Variants in TMEM108 observed in about 807,000 individuals in gnomAD.
TMEM108 encodes cancer/testis antigen 124.
In TMEM108, 12 loss-of-function variants were observed where a neutral mutation model predicts 35.1. That is an observed-to-expected ratio of 0.34 (90% CI 0.22 to 0.55). TMEM108 has a LOEUF of 0.55. Ranked by LOEUF, TMEM108 falls within the 20% of genes least tolerant of loss-of-function variation. TMEM108 has a pLI of 0.89. For synonymous variants in TMEM108, 287 were observed against 308.6 expected, an observed-to-expected ratio of 0.93 and a Z score of 0.73; for missense variants, 680 against 753.3, an observed-to-expected ratio of 0.90 and a Z score of 1.14.
At chr3:133,313,421 G>A (rs528781508) in intron 3 of TMEM108, among the ~76,000 whole-genome samples, 3 of 152,076 alleles carry the variant, frequency 2.0e-5, no homozygotes, top group South Asian at 2.1e-4. Flanking sequence ...TCCTGACCTC[G>A]TGATCCACCT....
intron 3 of TMEM108, among the ~76,000 whole-genome samples, chr3:133,311,219 C>G (rs1184513304): frequency 6.6e-6 from 1 of 152,100 alleles, no homozygotes; most frequent in Non-Finnish European, 1.5e-5. Flanking sequence ...CGAAGAGTAT[C>G]TTTGTGGTGT....
chr3:133,212,004 C>G (rs2107840135), intron 2 of TMEM108, among the ~76,000 whole-genome samples: 1 of 152,064 alleles, frequency 6.6e-6, no homozygotes, highest in East Asian at 1.9e-4. Context: ...ATTTTTTTCC[C>G]CCTTGAAAAT....
At chr3:133,354,302 G>C (rs917786197) in intron 3 of TMEM108, among the ~76,000 whole-genome samples, 2 of 152,128 alleles carry the variant, frequency 1.3e-5, no homozygotes, top group Non-Finnish European at 2.9e-5. Flanking sequence ...CTCTCAGCTG[G>C]GGATGTTGCC....
chr3:133,099,290 T>A (rs1311091776), intron 2 of TMEM108, among the ~76,000 whole-genome samples: 1 of 152,136 alleles, frequency 6.6e-6, no homozygotes, highest in African/African-American at 2.4e-5. Context: ...ACCAAGTTCC[T>A]AGGCTGCACG....
At chr3:133,166,701 G>A (rs944437493) in intron 2 of TMEM108, among the ~76,000 whole-genome samples, 9 of 152,212 alleles carry the variant, frequency 5.9e-5, no homozygotes, top group African/African-American at 1.9e-4. Context: ...GAGTGAAGCT[G>A]CAGACCTGCG....
At chr3:133,196,474 A>G (rs1455409747) in intron 2 of TMEM108, among the ~76,000 whole-genome samples, 1 of 152,194 alleles carries the variant, frequency 6.6e-6, no homozygotes, top group African/African-American at 2.4e-5. Flanking sequence ...ATGTAGCTTG[A>G]TGTAGTCCTT....
At chr3:133,388,262 T>C in intron 4 of TMEM108, 1 of 985,430 alleles carries the variant, frequency 1.0e-6, no homozygotes, top group Non-Finnish European at 1.2e-6. Context: ...GTAGTGACAA[T>C]GAAGAACAGA....
chr3:133,382,804 G>C (rs2107846560), intron 4 of TMEM108, among the ~76,000 whole-genome samples: 1 of 152,312 alleles, frequency 6.6e-6, no homozygotes, highest in African/African-American at 2.4e-5. Flanking sequence ...TGTGTTGCAA[G>C]ATCTTTTTAT....
At chr3:133,276,804 C>T (rs1174514979) in intron 3 of TMEM108, among the ~76,000 whole-genome samples, 1 of 152,148 alleles carries the variant, frequency 6.6e-6, no homozygotes, top group African/African-American at 2.4e-5. Flanking sequence ...TGGGGAGGCT[C>T]AGAGCCTGCA....
intron 3 of TMEM108, among the ~76,000 whole-genome samples, chr3:133,235,592 T>A (rs1424855454): frequency 6.6e-6 from 1 of 152,186 alleles, no homozygotes; most frequent in East Asian, 1.9e-4. Flanking sequence ...GATCACTCAC[T>A]ACCTGAGGTG....
At chr3:133,350,915 A>T (rs913195795) in intron 3 of TMEM108, among the ~76,000 whole-genome samples, 1 of 152,204 alleles carries the variant, frequency 6.6e-6, no homozygotes, top group African/African-American at 2.4e-5. Flanking sequence ...CCCTCCAGGC[A>T]GGAGACTGAA....
intron 3 of TMEM108, among the ~76,000 whole-genome samples, chr3:133,327,724 G>A (rs2071348141): frequency 6.6e-6 from 1 of 152,134 alleles, no homozygotes; most frequent in African/African-American, 2.4e-5. Flanking sequence ...CCACCTTTCT[G>A]AATGGAAAGA....
At chr3:133,215,224 C>T (rs537985430) in intron 2 of TMEM108, among the ~76,000 whole-genome samples, 1 of 152,090 alleles carries the variant, frequency 6.6e-6, no homozygotes, top group Admixed American at 6.5e-5. Context: ...GTAACTTATG[C>T]CTGAATGAAG....
intron 2 of TMEM108, among the ~76,000 whole-genome samples, chr3:133,188,487 T>A (rs112905147): frequency 1.3e-5 from 2 of 151,626 alleles, no homozygotes; most frequent in African/African-American, 4.9e-5. Context: ...TAATTTTTAT[T>A]TATGTTTTTG....
intron 3 of TMEM108, among the ~76,000 whole-genome samples, chr3:133,289,523 G>T (rs991883278): frequency 6.6e-6 from 1 of 152,112 alleles, no homozygotes; most frequent in Non-Finnish European, 1.5e-5. Flanking sequence ...TCCTTTTGAT[G>T]ATGTCATTTC....
At chr3:133,102,569 T>G (rs77247161) in intron 2 of TMEM108, among the ~76,000 whole-genome samples, 2,279 of 152,312 alleles carry the variant, frequency 0.015, 50 homozygotes, top group African/African-American at 0.052. Context: ...GTGAGTCCAG[T>G]GAGACGAGGG....
chr3:133,202,549 A>G (rs1296559419), intron 2 of TMEM108, among the ~76,000 whole-genome samples: 2 of 152,128 alleles, frequency 1.3e-5, no homozygotes, highest in African/African-American at 2.4e-5. Context: ...TTAAATAGGG[A>G]ATTCTTTCCC....
chr3:133,296,269 G>GT (rs1483109071), intron 3 of TMEM108, among the ~76,000 whole-genome samples: 2 of 152,168 alleles, frequency 1.3e-5, no homozygotes, highest in Non-Finnish European at 1.5e-5. Context: ...TGTCAAATTG[G>GT]TGGAGCCAAG....
At chr3:133,130,563 A>G (rs1023520482) in intron 2 of TMEM108, among the ~76,000 whole-genome samples, 1 of 152,206 alleles carries the variant, frequency 6.6e-6, no homozygotes, top group African/African-American at 2.4e-5. Flanking sequence ...CCCAAGAGAA[A>G]AAAAAGCAGG....
Sources: gnomAD v4.1 joint callset for allele counts (sites outside exome capture counted in the v4.1 genomes callset) on GRCh38, gnomAD v4.1.1 for gene constraint, MANE v1.5 for transcripts, NCBI Gene and HGNC (gene_info 2026-07-23, HGNC 2026-07-21) for gene names.